The following ETNPPL variants were observed in gnomAD, a reference collection of about 807,000 sequenced individuals.
ETNPPL encodes alanine--glyoxylate aminotransferase 2-like 1.
ETNPPL carries 30 observed loss-of-function variants against 55.5 expected under a neutral mutation model. The observed-to-expected ratio is 0.54, with a 90% confidence interval of 0.40 to 0.73. ETNPPL has a LOEUF of 0.73. ETNPPL is among the 30% of genes least tolerant of loss of function. The probability of loss-of-function intolerance (pLI) is 0.00; values close to 1 mark genes in which losing one functional copy is unlikely to be tolerated. For synonymous variants in ETNPPL, 202 were observed against 207.2 expected, an observed-to-expected ratio of 0.98 and a Z score of 0.21; for missense variants, 528 against 607.9, an observed-to-expected ratio of 0.87 and a Z score of 1.38.
intron 3 of ETNPPL, among the ~76,000 whole-genome samples, chr4:108,757,252 A>G (rs1227618141): frequency 6.6e-6 from 1 of 152,190 alleles, no homozygotes; most frequent in African/African-American, 2.4e-5. Flanking sequence ...TAAATATACT[A>G]CCCAAAAAAA....
At chr4:108,755,105 A>G (rs1729133980) in intron 4 of ETNPPL, among the ~76,000 whole-genome samples, 2 of 152,238 alleles carry the variant, frequency 1.3e-5, no homozygotes. Context: ...ACATTCTAGT[A>G]AATTTAAAAA....
Position 108,762,989 on chromosome 4 carries a change from G to T in ETNPPL, c.-91C>A. 2 of 1,298,834 alleles carry T rather than the reference G, an allele frequency of 1.5e-6. No homozygotes were observed. The highest frequency in any genetic ancestry group is 2.4e-5 in the South Asian group (2 of 82,144). 80.5% of individuals were successfully genotyped at this position (1,298,834 alleles called of 1,614,324 possible). ...TGGGACTGCCTTGGCGGCCCCGGCC[G>T]GCCTTCCTCCCGTTATCCCTCCTGG... On this transcript the variant is annotated 5_prime_UTR_variant, in exon 1 of 13. Transcript: ENST00000296486.
chr4:108,753,962 C>CT (rs71719385), intron 5 of ETNPPL, among the ~76,000 whole-genome samples: 24,302 of 145,452 alleles, frequency 0.17, 3,056 homozygotes, highest in East Asian at 0.47. Context: ...GAGCAATTTA[C>CT]TTTTTCTTTT....
At chr4:108,762,766 G>T in intron 1 of ETNPPL, 77 bp downstream of exon 1, 1 of 1,515,506 alleles carries the variant, frequency 6.6e-7, no homozygotes, top group Non-Finnish European at 9.2e-7. Context: ...TTGTTCCCTA[G>T]CCGGCTTTCT....
rs182205735 is a variant in ETNPPL, at chr4:108,747,918, C to T, written c.1082+87G>A. The stretch of plus-strand genomic sequence containing the variant: ...TAATTTTTTGTAGTTTTAATAGAGA[C>T]GGGGTCTCACCATGTTGCCCAGCCT... On this transcript the variant is annotated intron_variant, in intron 9 of 12. Transcript: ENST00000296486. 9.8e-5 allele frequency: 111 copies of T among 1,127,986 alleles called. 2 individuals carry two copies. The highest frequency in any genetic ancestry group is 6.7e-4 in the South Asian group (48 of 71,452). 69.9% of individuals were successfully genotyped at this position (1,127,986 alleles called of 1,614,324 possible). A position where few individuals can be genotyped will look rare whatever the true frequency, so the allele number is the denominator to read the frequency against.
Position 108,762,882 on chromosome 4 carries a change from C to A in ETNPPL, c.17G>T (p.Ser6Ile). 6.2e-7 allele frequency: 1 copy of A among 1,614,112 alleles called. No individual in the cohort carries two copies. The highest frequency in any genetic ancestry group is 8.5e-7 in the Non-Finnish European group (1 of 1,179,942). MCELY[S>I]KRDTLGLRKK... ...CCTCAGCCCCAGAGTGTCCCGCTTA[C>A]TGTACAGCTCGCACATGGTGGCGGG... is the stretch of plus-strand genomic sequence containing the variant. Residue 6 changes from serine (S) to isoleucine (I), a missense_variant, in exon 1 of 13, where the codon AGT becomes ATT. Ser to Ile is a moderately radical substitution (Grantham distance 142, BLOSUM62 -2). Coordinates refer to ENST00000296486, the MANE Select transcript of ETNPPL (RefSeq NM_031279.4).
Position 108,747,148 on chromosome 4 carries a change from A to ATAAT in ETNPPL, c.1083-298_1083-297insATTA, listed in dbSNP as rs1491176665. Among the ~76,000 whole-genome samples the ATAAT allele has an allele frequency of 3.1e-4, 11 of 35,392 alleles. 3 individuals are homozygous for ATAAT. The highest frequency in any genetic ancestry group is 5.0e-4 in the Non-Finnish European group (10 of 20,136). 23.2% of individuals were successfully genotyped at this position (35,392 alleles called of 152,430 possible). ...ATTATATATATATATATATATATATAATATATATATATATATTATATATAT... is the reference window on the plus strand; with the variant it reads ...ATTATATATATATATATATATATATATAATATATATATATATATATTATATATAT... On this transcript the variant is annotated intron_variant, in intron 9 of 12. Coordinates refer to ENST00000296486, the MANE Select transcript of ETNPPL (RefSeq NM_031279.4).
chr4:108,744,591 C>T (rs1172383349), intron 11 of ETNPPL, among the ~76,000 whole-genome samples: 1 of 152,082 alleles, frequency 6.6e-6, no homozygotes, highest in East Asian at 1.9e-4. Context: ...TTATTAATAA[C>T]TTATGTGGAC....
At chr4:108,753,790 AAGAAAGAAAGAAAGAAAAGAG>A (rs1409688729) in intron 5 of ETNPPL, among the ~76,000 whole-genome samples, 1,213 of 110,690 alleles carry the variant, frequency 0.011, 44 homozygotes, top group African/African-American at 0.048. Context: ...GAAAGAAAGA[AAGAAAGAAAGAAAGAAAAGAG>A]AAGAAAAGAA....
intron 1 of ETNPPL, chr4:108,762,567 C>T: frequency 1.6e-6 from 1 of 630,680 alleles, no homozygotes; most frequent in Non-Finnish European, 2.8e-6. Context: ...CCACCAACCC[C>T]TCTAGCCGGC....
chr4:108,748,185 G>A, intron 8 of ETNPPL, 26 bp from the exon 9 acceptor site: 3 of 1,529,692 alleles, frequency 2.0e-6, no homozygotes, highest in Non-Finnish European at 2.6e-6. Context: ...AGACAAATGA[G>A]AAAATATACC....
intron 1 of ETNPPL, among the ~76,000 whole-genome samples, chr4:108,761,580 G>C (rs758951279): frequency 6.6e-6 from 1 of 152,160 alleles, no homozygotes; most frequent in Non-Finnish European, 1.5e-5. Flanking sequence ...TCAGACTTCA[G>C]GTAAAATTCT....
chr4:108,761,531 C>T (rs1283520367), intron 1 of ETNPPL, among the ~76,000 whole-genome samples: 2 of 152,182 alleles, frequency 1.3e-5, no homozygotes, highest in Non-Finnish European at 1.5e-5. Context: ...AAGCTGCAGA[C>T]TTCACATTGC....
rs1729113962 is a variant in ETNPPL at position 108,754,690 on chromosome 4, G to T, written c.431C>A (p.Ser144Ter). 1.9e-6 allele frequency: 3 copies of T among 1,593,332 alleles called. No individual in the cohort carries two copies. The highest frequency in any genetic ancestry group is 4.5e-5 in the East Asian group (2 of 44,620). ...TLDHAYHGHL[S>*]SLIEISPYKF... The stretch of plus-strand genomic sequence containing the variant: ...ATATGGGCTAATCTCAATTAAGGAT[G>T]ATAGGTGACCATGGTAAGCACTGAA... The change falls in exon 5 of 13, where the codon TCA becomes TAA. Residue 144 changes from serine to a stop codon, truncating the protein, a stop_gained. Coordinates refer to ENST00000296486, the MANE Select transcript of ETNPPL (RefSeq NM_031279.4). LOFTEE classifies it high-confidence loss of function.
chr4:108,748,463 T>C (rs1728729006), intron 8 of ETNPPL, among the ~76,000 whole-genome samples: 1 of 152,188 alleles, frequency 6.6e-6, no homozygotes, highest in Non-Finnish European at 1.5e-5. Context: ...TTCATAGTGT[T>C]GCCCAGTGAG....
intron 3 of ETNPPL, among the ~76,000 whole-genome samples, chr4:108,758,352 T>C (rs1274465524): frequency 6.6e-6 from 1 of 152,172 alleles, no homozygotes; most frequent in Non-Finnish European, 1.5e-5. Context: ...CAATATAATA[T>C]TGCACTTTAA....
chr4:108,762,324 T>C (rs1205258809), intron 1 of ETNPPL: 1 of 457,400 alleles, frequency 2.2e-6, no homozygotes, highest in South Asian at 1.6e-5. Flanking sequence ...GGTTTCAAGT[T>C]TTTCTATTGG....
chr4:108,749,458 A>G lies in ETNPPL; in HGVS notation c.707T>C (p.Val236Ala). Reference protein sequence around the residue: ...AGYFQKVAEYVHGAGGVFIAD... With the variant: ...AGYFQKVAEYAHGAGGVFIAD... ...TATAAACACACCCCCTGCACCGTGTACATATCTGAAAAGCAAAGCGGCAGT... is the reference window on the plus strand; with the variant it reads ...TATAAACACACCCCCTGCACCGTGTGCATATCTGAAAAGCAAAGCGGCAGT... The change falls in exon 8 of 13, where the codon GTA becomes GCA. Residue 236 changes from valine (V) to alanine (A), a missense_variant. Val to Ala is a moderately conservative substitution (Grantham distance 64). Transcript: ENST00000296486. 1 of 1,613,582 alleles carries G rather than the reference A, an allele frequency of 6.2e-7. No homozygotes were observed. The highest frequency in any genetic ancestry group is 2.2e-5 in the East Asian group (1 of 44,870).
At position 108,759,833 on chromosome 4, in the gene ETNPPL, AG is replaced by A; in HGVS notation, c.250del (p.Leu84SerfsTer35). The A allele has an allele frequency of 6.2e-7, 1 of 1,614,150 alleles. No individual in the cohort carries two copies. Among genetic ancestry groups the A allele is most frequent in the Non-Finnish European group, 8.5e-7 (1 of 1,179,988 alleles). On this transcript the variant is annotated frameshift_variant, in exon 3 of 13. Coordinates refer to ENST00000296486, the MANE Select transcript of ETNPPL (RefSeq NM_031279.4). LOFTEE classifies it high-confidence loss of function. Reference sequence around the variant, plus strand: ...GGCATACTCAACAATGTTGTCGTGGAGGAATCGAGAATTTGTATTTAGCAGT... The same window carrying A: ...GGCATACTCAACAATGTTGTCGTGGAGAATCGAGAATTTGTATTTAGCAGT... ...MELLNTNSRFLHDNIVEYAKR... is the reference protein window; with the variant it reads ...MELLNTNSRFXHDNIVEYAKR...
Sources: allele counts gnomAD v4.1 joint callset (sites outside exome capture counted in the v4.1 genomes callset), GRCh38; gene constraint gnomAD v4.1.1; transcripts MANE v1.5; gene names NCBI Gene and HGNC (gene_info 2026-07-23, HGNC 2026-07-21).